Variants in ADGRE2 observed in about 807,000 individuals in gnomAD.
ADGRE2 encodes the protein adhesion G protein-coupled receptor E2, also known as CD97 antigen.
A neutral mutation model predicts 100.8 loss-of-function variants in ADGRE2; 83 were observed. That is an observed-to-expected ratio of 0.82 (90% CI 0.69 to 0.99). ADGRE2 has a LOEUF of 0.99. ADGRE2 is among the 50% of genes least tolerant of loss of function. The pLI, the probability that ADGRE2 is intolerant of heterozygous loss-of-function variation, is 0.00. For missense variants in ADGRE2, 814 were observed against 1,035.7 expected, an observed-to-expected ratio of 0.79 and a Z score of 2.94; for synonymous variants, 355 against 413.0, an observed-to-expected ratio of 0.86 and a Z score of 1.70.
chr19:14,763,481 T>C (rs1401073656), intron 11 of ADGRE2, among the ~76,000 whole-genome samples: 1 of 152,072 alleles, frequency 6.6e-6, no homozygotes, highest in Non-Finnish European at 1.5e-5. Context: ...ATTTTGTTAT[T>C]TTAAATTCTT....
At chr19:14,750,894 A>G (rs1443450798) in intron 16 of ADGRE2, among the ~76,000 whole-genome samples, 2 of 152,242 alleles carry the variant, frequency 1.3e-5, no homozygotes, top group East Asian at 3.9e-4. Context: ...GCTCACTGCA[A>G]CTTCGAACTC....
Position 14,752,314 on chromosome 19 carries a change from C to G in ADGRE2, c.1788+15G>C. On this transcript the variant is annotated intron_variant, in intron 15 of 20. Coordinates refer to ENST00000315576, the MANE Select transcript of ADGRE2 (RefSeq NM_013447.4). ...CGTCAAGGAAGGGAGCCCTCTGGAA[C>G]ACCGCTGTCAATACCTTGTGTCCGG... The G allele has an allele frequency of 1.2e-6, 2 of 1,613,906 alleles. No individual in the cohort carries two copies. Among genetic ancestry groups the G allele is most frequent in the Middle Eastern group, 1.7e-4 (1 of 6,056 alleles).
At chr19:14,752,874 C>T (rs1004711103) in intron 14 of ADGRE2, among the ~76,000 whole-genome samples, 9 of 151,732 alleles carry the variant, frequency 5.9e-5, no homozygotes, top group African/African-American at 2.2e-4. Flanking sequence ...TCGGTTCAAG[C>T]GATTCTCGTG....
chr19:14,736,918 T>TATATATATTTAATATATATTTAGAA (rs1555779817), intron 20 of ADGRE2, among the ~76,000 whole-genome samples: 156 of 130,260 alleles, frequency 1.2e-3, no homozygotes, highest in Non-Finnish European at 2.2e-3. Context: ...TATTTAGAAA[T>TATATATATTTAATATATATTTAGAA]ATATATATAT....
rs754953123 is a variant in ADGRE2, at chr19:14,755,737, G to A, written c.1333C>T (p.Leu445Phe). The change falls in exon 13 of 21, where the codon CTC becomes TTC. Residue 445 changes from leucine to phenylalanine, a missense_variant. Leu to Phe is a conservative substitution (Grantham distance 22). Coordinates refer to ENST00000315576, the MANE Select transcript of ADGRE2 (RefSeq NM_013447.4). ...AGAAAGGCAGAGATCACATCTGAGA[G>A]CAGGATGGGGGAGCCGTCCTGCAGC... ...GLLQDGSPIL[L>F]SDVISAFLSN... 1 of 1,614,222 alleles carries A rather than the reference G, an allele frequency of 6.2e-7. No individual in the cohort carries two copies. Among genetic ancestry groups the A allele is most frequent in the African/African-American group, 1.3e-5 (1 of 75,060 alleles).
rs191472852 is a variant in ADGRE2 at position 14,766,881 on chromosome 19, C to T, written c.487+97G>A. On this transcript the variant is annotated intron_variant, in intron 6 of 20. Coordinates refer to ENST00000315576, the MANE Select transcript of ADGRE2 (RefSeq NM_013447.4). ...AGGTCCTTGACCTTGTGGGAACCTGCGGATCTTCTCCCTCCTCCTCGGCTG... is the reference window on the plus strand; with the variant it reads ...AGGTCCTTGACCTTGTGGGAACCTGTGGATCTTCTCCCTCCTCCTCGGCTG... The T allele has an allele frequency of 1.1e-5, 15 of 1,395,744 alleles. 1 individual carries two copies. The highest frequency in any genetic ancestry group is 5.3e-5 in the South Asian group (4 of 75,494). 86.5% of individuals were successfully genotyped at this position (1,395,744 alleles called of 1,614,324 possible). A position where few individuals can be genotyped will look rare whatever the true frequency, so the allele number is the denominator to read the frequency against.
intron 3 of ADGRE2, 23 bp from the exon 4 acceptor site, chr19:14,774,077 C>A (rs1355328891): frequency 6.2e-7 from 1 of 1,606,536 alleles, no homozygotes; most frequent in Non-Finnish European, 8.5e-7. Context: ...GGAGCACGGT[C>A]AGAAGGTGAG....
At chr19:14,761,586 G>A (rs2043725206) in intron 11 of ADGRE2, among the ~76,000 whole-genome samples, 1 of 151,750 alleles carries the variant, frequency 6.6e-6, no homozygotes. Context: ...AGAGCAGCCT[G>A]TAAAATCGAG....
chr19:14,737,108 C>T (rs1163366653), intron 20 of ADGRE2, among the ~76,000 whole-genome samples: 1 of 150,524 alleles, frequency 6.6e-6, no homozygotes, highest in Non-Finnish European at 1.5e-5. Context: ...CTATATGTAT[C>T]CCATAACTTC....
intron 20 of ADGRE2, among the ~76,000 whole-genome samples, chr19:14,739,433 A>G (rs919752005): frequency 6.6e-6 from 1 of 152,198 alleles, no homozygotes; most frequent in Admixed American, 6.5e-5. Flanking sequence ...TGGCTATCTG[A>G]TGACCTAACT....
rs562548627 is a variant in ADGRE2, at chr19:14,739,436, A to T, written c.2464-3192T>A. ...AGAAGCCTTTGTTGGCTATCTGATG[A>T]CCTAACTCTAATTCCCTACACAAAA... On this transcript the variant is annotated intron_variant, in intron 20 of 20. Transcript: ENST00000315576. 2.0e-5 allele frequency among the ~76,000 whole-genome samples: 3 copies of T among 152,278 alleles called. 1 individual carries two copies. Among genetic ancestry groups the T allele is most frequent in the Admixed American group, 1.3e-4 (2 of 15,298 alleles).
chr19:14,767,672 T>A (rs2044043147), intron 5 of ADGRE2, among the ~76,000 whole-genome samples: 1 of 152,312 alleles, frequency 6.6e-6, no homozygotes, highest in African/African-American at 2.4e-5. Context: ...AGCTCCCAGC[T>A]GGGGCAGGGA....
rs552016141 is a variant in ADGRE2, at chr19:14,757,407, C to A, written c.1085-1062G>T. On this transcript the variant is annotated intron_variant, in intron 11 of 20. Coordinates refer to ENST00000315576, the MANE Select transcript of ADGRE2 (RefSeq NM_013447.4). ...AAATTCATATGGTGTTGTAAGGAAT[C>A]CAAATACCCAAAAACAATCTTGAAG... Among the ~76,000 whole-genome samples, 13 of 151,838 alleles carry A rather than the reference C, an allele frequency of 8.6e-5. No individual in the cohort carries two copies. In the East Asian group the frequency reaches 2.5e-3, roughly 29 times the overall value.
intron 18 of ADGRE2, among the ~76,000 whole-genome samples, chr19:14,744,430 A>G (rs958555977): frequency 4.0e-5 from 6 of 151,742 alleles, no homozygotes; most frequent in Non-Finnish European, 8.8e-5. Context: ...AACTGCTCAA[A>G]CCCTGTAGAG....
At chr19:14,772,575 C>T (rs991675442) in intron 4 of ADGRE2, 78 bp from the exon 5 acceptor site, 10 of 1,530,192 alleles carry the variant, frequency 6.5e-6, no homozygotes, top group Non-Finnish European at 8.9e-6. Flanking sequence ...CCTGACTCCC[C>T]AACATGGGGC....
intron 16 of ADGRE2, among the ~76,000 whole-genome samples, chr19:14,750,364 CTCTT>C (rs2043246602): frequency 6.6e-6 from 1 of 151,622 alleles, no homozygotes; most frequent in South Asian, 2.1e-4. Flanking sequence ...AAATCAAACA[CTCTT>C]TCTTCATCAA....
chr19:14,751,402 G>A (rs776849746), intron 16 of ADGRE2, 34 bp downstream of exon 16: 149 of 1,514,650 alleles, frequency 9.8e-5, no homozygotes, highest in Non-Finnish European at 1.2e-4. Context: ...TGGTTATGCC[G>A]GAGAAGATAA....
intron 16 of ADGRE2, among the ~76,000 whole-genome samples, chr19:14,749,488 TTAGTTATGTAATATAATTATTTA>T (rs1555783280): frequency 1.2e-5 from 1 of 80,870 alleles, no homozygotes; most frequent in Non-Finnish European, 2.3e-5. Flanking sequence ...ATATAATTAT[TTAGTTATGTAATATAATTATTTA>T]TAGTTATGTA....
rs372618743 is a variant in ADGRE2, at chr19:14,746,337, CAGA to C, written c.2092-17_2092-15del. 80 of 1,449,976 alleles carry C rather than the reference CAGA, an allele frequency of 5.5e-5. No homozygotes were observed. The African/African-American group carries it at 9.5e-4, about 17-fold the overall frequency. The allele number at this position is 1,449,976 out of a possible 1,614,324, so 89.8% of individuals were successfully genotyped here. A position where few individuals can be genotyped will look rare whatever the true frequency, so the allele number is the denominator to read the frequency against. ...AACTAAATTCACCTTCAGAAAACCACAGAAGATTTGTTGAATAGATTTTGAAAC... is the reference window on the plus strand; with the variant it reads ...AACTAAATTCACCTTCAGAAAACCACAGATTTGTTGAATAGATTTTGAAAC... On this transcript the variant is annotated splice_polypyrimidine_tract_variant and intron_variant, in intron 17 of 20. Transcript: ENST00000315576.
Sources: gnomAD v4.1 joint callset for allele counts (sites outside exome capture counted in the v4.1 genomes callset) on GRCh38, gnomAD v4.1.1 for gene constraint, MANE v1.5 for transcripts, NCBI Gene and HGNC (gene_info 2026-07-23, HGNC 2026-07-21) for gene names.